The following PKD2L1 variants were observed in gnomAD, a reference collection of about 807,000 sequenced individuals.
PKD2L1 encodes the protein polycystin 2 like 1, transient receptor potential cation channel.
Under a neutral mutation model 93.0 loss-of-function variants are expected in PKD2L1, and 77 were observed. That is an observed-to-expected ratio of 0.83 (90% CI 0.69 to 1.00). PKD2L1 has a LOEUF of 1.00. PKD2L1 is among the 50% of genes least tolerant of loss of function. PKD2L1 has a pLI of 0.00. For synonymous variants in PKD2L1, 390 were observed against 388.0 expected (o/e 1.01, Z -0.06); for missense variants, 977 against 990.9 (o/e 0.99, Z 0.19).
At chr10:100,299,505 C>T in intron 3 of PKD2L1, 86 bp downstream of exon 3, 4 of 1,247,796 alleles carry the variant, frequency 3.2e-6, no homozygotes, top group Non-Finnish European at 4.6e-6. Flanking sequence ...TTTGATTTCC[C>T]AGCATAAGGT....
At chr10:100,309,777 A>G (rs1848889782) in intron 2 of PKD2L1, among the ~76,000 whole-genome samples, 2 of 152,230 alleles carry the variant, frequency 1.3e-5, no homozygotes, top group South Asian at 4.1e-4. Context: ...AAGCCCCAGA[A>G]GAGTCAGCCT....
rs1197868565 is a variant in PKD2L1 at position 100,299,567 on chromosome 10, G to A, written c.477+24C>T. 2.5e-6 allele frequency: 4 copies of A among 1,609,708 alleles called. No individual in the cohort carries two copies. In the Admixed American group the frequency reaches 5.0e-5, roughly 20 times the overall value. On this transcript the variant is annotated intron_variant, in intron 3 of 15. Transcript: ENST00000318222. ...CAGGCCATTGAGAAAGAGAGGGGAGGGGTAGAAAAGATCTTATACTCACAT... is the reference window on the plus strand; with the variant it reads ...CAGGCCATTGAGAAAGAGAGGGGAGAGGTAGAAAAGATCTTATACTCACAT...
intron 2 of PKD2L1, among the ~76,000 whole-genome samples, chr10:100,328,489 T>A (rs1196771260): frequency 6.6e-6 from 1 of 152,182 alleles, no homozygotes; most frequent in Non-Finnish European, 1.5e-5. Context: ...TTTTCTTCCA[T>A]CTTTTTCTCT....
chr10:100,321,446 C>T (rs956861473), intron 2 of PKD2L1, among the ~76,000 whole-genome samples: 3 of 148,064 alleles, frequency 2.0e-5, no homozygotes, highest in Admixed American at 6.8e-5. Flanking sequence ...GGTGACAGAG[C>T]GAGACTCTGT....
At chr10:100,294,856 A>G in intron 8 of PKD2L1, 86 bp downstream of exon 8, 1 of 1,359,582 alleles carries the variant, frequency 7.4e-7, no homozygotes, top group Non-Finnish European at 1.0e-6. Flanking sequence ...GCAGACACGC[A>G]CGTACCCATC....
At chr10:100,328,349 A>G (rs957150387) in intron 2 of PKD2L1, among the ~76,000 whole-genome samples, 1 of 152,162 alleles carries the variant, frequency 6.6e-6, no homozygotes, top group African/African-American at 2.4e-5. Context: ...TAGAGCCTCA[A>G]TAAGCTTCCT....
chr10:100,295,789 C>A (rs7079679), intron 7 of PKD2L1, among the ~76,000 whole-genome samples: 82,479 of 144,978 alleles, frequency 0.57, 23,907 homozygotes, highest in African/African-American at 0.66. Context: ...TAATCCTAGC[C>A]CTTTGAGAGG....
rs143227721 is a variant in PKD2L1 at position 100,295,007 on chromosome 10, A to G, written c.1473T>C (p.Tyr491=). The G allele has an allele frequency of 4.3e-5, 70 of 1,614,094 alleles. No individual in the cohort carries two copies. Among genetic ancestry groups the G allele is most frequent in the Middle Eastern group, 1.6e-4 (1 of 6,084 alleles). Residue 491 remains tyrosine, a synonymous_variant, in exon 8 of 16, where the codon TAT becomes TAC. Coordinates refer to ENST00000318222, the MANE Select transcript of PKD2L1 (RefSeq NM_016112.3). The part of the protein sequence containing the change: ...AVMFFIVFFA[Y]AQLGYLLFGT... ...CGAAAAGCAGGTAGCCGAGTTGGGC[A>G]TAGGCGAAGAAAACAATGAAGAACA...
intron 2 of PKD2L1, among the ~76,000 whole-genome samples, chr10:100,300,708 T>C (rs1373146036): frequency 6.6e-6 from 1 of 152,238 alleles, no homozygotes; most frequent in African/African-American, 2.4e-5. Context: ...GAGATTAACT[T>C]TGATCTTTTG....
chr10:100,294,942 A>C lies in PKD2L1; in HGVS notation c.1538T>G (p.Ile513Ser). 1 of 1,611,270 alleles carries C rather than the reference A, an allele frequency of 6.2e-7. No individual in the cohort carries two copies. Among genetic ancestry groups the C allele is most frequent in the Middle Eastern group, 1.7e-4 (1 of 6,056 alleles). Residue 513 changes from isoleucine (I) to serine (S), a missense_variant and splice_region_variant, in exon 8 of 16, where the codon ATT (isoleucine) becomes AGT (serine). Ile to Ser is a moderately radical substitution (Grantham distance 142). Transcript: ENST00000318222. Reference protein sequence around the residue: ...VENFSTFIKCIFTQFRIILGD... With the variant: ...VENFSTFIKCSFTQFRIILGD... ...GGAGTGAAGGGGACAGGACACACAC[A>C]TGCACTTGATGAAAGTGCTAAAGTT...
chr10:100,314,993 AGGAAGGAAGGAAGGAAGGAAGGGAAG>A (rs1849050907), intron 2 of PKD2L1, among the ~76,000 whole-genome samples: 1 of 13,024 alleles, frequency 7.7e-5, no homozygotes, highest in Non-Finnish European at 1.2e-4. Context: ...GAAGGAAGGA[AGGAAGGAAGGAAGGAAGGAAGGGAAG>A]GGAAGGGAAG....
At chr10:100,299,460 G>A (rs769625505) in intron 3 of PKD2L1, 131 bp downstream of exon 3, 131 of 782,794 alleles carry the variant, frequency 1.7e-4, no homozygotes, top group Admixed American at 3.4e-4. Flanking sequence ...CATTAATTCA[G>A]CCTGGCCCTT....
chr10:100,307,493 T>C (rs911728162), intron 2 of PKD2L1, among the ~76,000 whole-genome samples: 4 of 152,102 alleles, frequency 2.6e-5, no homozygotes, highest in African/African-American at 9.7e-5. Flanking sequence ...ACCTTGTCTC[T>C]ACAAAATATT....
Position 100,290,074 on chromosome 10 carries a change from C to T in PKD2L1, c.2191G>A (p.Val731Ile), listed in dbSNP as rs868638528. The T allele has an allele frequency of 1.2e-6, 2 of 1,614,158 alleles. No individual in the cohort carries two copies. Among genetic ancestry groups the T allele is most frequent in the East Asian group, 2.2e-5 (1 of 44,876 alleles). ...TCCAGCATTTTCAGCTTTGAGCCTA[C>T]AGCATCAATCTGGGACACTACTCCT... is the stretch of plus-strand genomic sequence containing the variant. ...LEGVVSQIDA[V>I]GSKLKMLERK... The change falls in exon 14 of 16, where the codon GTA becomes ATA. Residue 731 changes from valine (V) to isoleucine (I), a missense_variant. Val to Ile is a conservative substitution (Grantham distance 29). Coordinates refer to ENST00000318222, the MANE Select transcript of PKD2L1 (RefSeq NM_016112.3).
At chr10:100,295,541 G>A (rs1848511345) in intron 7 of PKD2L1, among the ~76,000 whole-genome samples, 1 of 151,448 alleles carries the variant, frequency 6.6e-6, no homozygotes, top group Non-Finnish European at 1.5e-5. Flanking sequence ...AGACCAGCCT[G>A]GCCAACATGG....
intron 2 of PKD2L1, among the ~76,000 whole-genome samples, chr10:100,310,957 C>T (rs1848919532): frequency 6.6e-6 from 1 of 152,174 alleles, no homozygotes; most frequent in Non-Finnish European, 1.5e-5. Flanking sequence ...TCTCGAACTC[C>T]TGAGCTCAGG....
At chr10:100,327,286 C>A (rs747955963) in intron 2 of PKD2L1, among the ~76,000 whole-genome samples, 21 of 152,200 alleles carry the variant, frequency 1.4e-4, no homozygotes, top group Non-Finnish European at 2.6e-4. Context: ...AAGGATTCCA[C>A]GTATTCTGCA....
chr10:100,297,190 T>G lies in PKD2L1; in HGVS notation c.975A>C (p.Pro325=). 1 of 1,613,884 alleles carries G rather than the reference T, an allele frequency of 6.2e-7. No individual in the cohort carries two copies. The highest frequency in any genetic ancestry group is 1.1e-5 in the South Asian group (1 of 91,074). The change falls in exon 6 of 16, where the codon CCA becomes CCC. Residue 325 remains proline (P), a synonymous_variant. Transcript: ENST00000318222. ...AGGATGGGATGGCACCTCCTGTAGCTGGAAACTCCACCACCAGCCTATAGG... is the reference window on the plus strand; with the variant it reads ...AGGATGGGATGGCACCTCCTGTAGCGGGAAACTCCACCACCAGCCTATAGG... ...FCVLRLVVEF[P]ATGGAIPSWQ...
rs564916500 is a variant in PKD2L1, at chr10:100,313,205, C to T, written c.350-13487G>A. On this transcript the variant is annotated intron_variant, in intron 2 of 15. Coordinates refer to ENST00000318222, the MANE Select transcript of PKD2L1 (RefSeq NM_016112.3). Reference sequence around the variant, plus strand: ...GGTCATTTTGGAAAAACTAAAGCTACAAAGAGTATACTAGTGCTGAGACCC... The same window carrying T: ...GGTCATTTTGGAAAAACTAAAGCTATAAAGAGTATACTAGTGCTGAGACCC... Among the ~76,000 whole-genome samples the T allele has an allele frequency of 4.6e-5, 7 of 152,282 alleles. No homozygotes were observed. In the South Asian group the frequency reaches 1.2e-3, roughly 27 times the overall value.
Sources: allele counts gnomAD v4.1 joint callset (sites outside exome capture counted in the v4.1 genomes callset), GRCh38; gene constraint gnomAD v4.1.1; transcripts MANE v1.5; gene names NCBI Gene and HGNC (gene_info 2026-07-23, HGNC 2026-07-21).